KPNA1: variants seen among roughly 807,000 people sequenced by gnomAD.
KPNA1 encodes the protein importin subunit alpha-5.
KPNA1 carries 10 observed loss-of-function variants against 70.5 expected under a neutral mutation model. The ratio of observed to expected loss-of-function variants is 0.14; its 90% confidence interval spans 0.09 to 0.24. The LOEUF is 0.24. Ranked by LOEUF, KPNA1 falls within the 10% of genes least tolerant of loss-of-function variation. The probability of loss-of-function intolerance (pLI) is 1.00; values close to 1 mark genes in which losing one functional copy is unlikely to be tolerated. For missense variants in KPNA1, 397 were observed against 637.9 expected (o/e 0.62, Z 4.07); for synonymous variants, 192 against 221.9 (o/e 0.87, Z 1.20).
Position 122,437,232 on chromosome 3 carries a change from T to C in KPNA1, c.1060A>G (p.Ile354Val). 2 of 1,613,934 alleles carry C rather than the reference T, an allele frequency of 1.2e-6. No homozygotes were observed. The highest frequency in any genetic ancestry group is 8.5e-7 in the Non-Finnish European group (1 of 1,179,806). Reference protein sequence around the residue: ...LHLLSSPKESIKKEACWTISN... With the variant: ...LHLLSSPKESVKKEACWTISN... ...ATCGTCCAACATGCTTCCTTTTTGATAGATTCCTTTGGGCTACTCAGCAAA... is the reference window on the plus strand; with the variant it reads ...ATCGTCCAACATGCTTCCTTTTTGACAGATTCCTTTGGGCTACTCAGCAAA... The change falls in exon 11 of 14, where the codon ATC becomes GTC. Residue 354 changes from isoleucine (I) to valine (V), a missense_variant. Physicochemically the swap from Ile to Val is conservative, Grantham distance 29. Transcript: ENST00000344337.
chr3:122,436,706 A>G (rs1367772834), intron 11 of KPNA1, among the ~76,000 whole-genome samples: 1 of 152,244 alleles, frequency 6.6e-6, no homozygotes, highest in Non-Finnish European at 1.5e-5. Flanking sequence ...AAGCTAGGAT[A>G]AAGTAAAAAG....
At position 122,514,865 on chromosome 3, in the gene KPNA1, C is replaced by CGGTGCTCACCAGGCCTCGCT; in HGVS notation, c.-134_-115dup. The CGGTGCTCACCAGGCCTCGCT allele has an allele frequency of 6.6e-6, 1 of 152,500 alleles. No individual in the cohort carries two copies. The highest frequency in any genetic ancestry group is 2.4e-5 in the African/African-American group (1 of 41,596). The allele number at this position is 152,500 out of a possible 1,614,324, so 9.4% of individuals were successfully genotyped here. A position where few individuals can be genotyped will look rare whatever the true frequency, so the allele number is the denominator to read the frequency against. ...CTCGAAGAGCTGGCCCGCGCCTCGG[C>CGGTGCTCACCAGGCCTCGCT]GGTGCTCACCAGGCCTCGCTCTCCG... On this transcript the variant is annotated 5_prime_UTR_variant, in exon 1 of 14. Coordinates refer to ENST00000344337, the MANE Select transcript of KPNA1 (RefSeq NM_002264.4).
chr3:122,486,126 T>TA (rs1283636486), intron 2 of KPNA1, among the ~76,000 whole-genome samples: 1 of 152,192 alleles, frequency 6.6e-6, no homozygotes, highest in African/African-American at 2.4e-5. Context: ...TCTAGACACT[T>TA]ACCTGAGGGA....
chr3:122,458,092 A>G (rs1043307901), intron 5 of KPNA1, among the ~76,000 whole-genome samples: 2 of 152,236 alleles, frequency 1.3e-5, no homozygotes, highest in Admixed American at 6.5e-5. Context: ...CAACTTTTCA[A>G]GGATTATCTG....
rs948695050 is a variant in KPNA1, at chr3:122,426,709, C to T, written c.*276G>A. On this transcript the variant is annotated 3_prime_UTR_variant, in exon 14 of 14. Transcript: ENST00000344337. ...CATTAATATGTGTATATTCCCATAA[C>T]TCTAATGTAAGTGCGGATCTCCAAA... The T allele has an allele frequency of 6.0e-6, 2 of 330,766 alleles. No individual in the cohort carries two copies. Among genetic ancestry groups the T allele is most frequent in the Non-Finnish European group, 1.1e-5 (2 of 181,702 alleles). The allele number at this position is 330,766 out of a possible 1,614,324, so 20.5% of individuals were successfully genotyped here.
rs868264189 is a variant in KPNA1 at position 122,461,236 on chromosome 3, A to G, written c.420T>C (p.Asn140=). Residue 140 remains asparagine (N), a synonymous_variant, in exon 5 of 14, where the codon AAT becomes AAC. Transcript: ENST00000344337. ...AAATTATTCGCACCTGCAGTGTACA[A>G]TTCTCTTTTCGTTTGAGGAACTCCA... ...RFVEFLKRKE[N]CTLQFESAWV... is the part of the protein sequence containing the mutation. The G allele has an allele frequency of 3.7e-6, 6 of 1,610,706 alleles. No individual in the cohort carries two copies. The highest frequency in any genetic ancestry group is 1.7e-4 in the Middle Eastern group (1 of 6,050).
At chr3:122,508,765 A>C (rs949773153) in intron 1 of KPNA1, among the ~76,000 whole-genome samples, 2 of 152,200 alleles carry the variant, frequency 1.3e-5, no homozygotes, top group Admixed American at 1.3e-4. Context: ...AGCCACACTT[A>C]ATAGAGCTTC....
chr3:122,479,047 A>G (rs777063200), intron 2 of KPNA1, among the ~76,000 whole-genome samples: 1 of 152,148 alleles, frequency 6.6e-6, no homozygotes, highest in Non-Finnish European at 1.5e-5. Context: ...CTTCGTTAAA[A>G]TTAAAACATT....
At chr3:122,471,366 T>C (rs2076440224) in intron 2 of KPNA1, among the ~76,000 whole-genome samples, 1 of 152,220 alleles carries the variant, frequency 6.6e-6, no homozygotes, top group African/African-American at 2.4e-5. Context: ...CAGTTAATAT[T>C]CAGTTCAATA....
intron 9 of KPNA1, among the ~76,000 whole-genome samples, chr3:122,448,074 G>A (rs761507175): frequency 2.8e-4 from 43 of 152,106 alleles, no homozygotes; most frequent in South Asian, 6.2e-4. Context: ...ACTATCTCAC[G>A]TCATCATTAA....
intron 11 of KPNA1, among the ~76,000 whole-genome samples, chr3:122,436,321 G>A (rs1339530453): frequency 1.3e-5 from 2 of 152,036 alleles, no homozygotes; most frequent in East Asian, 3.9e-4. Context: ...TTCGCCCCGT[G>A]CTCTGCCATT....
chr3:122,466,488 C>T (rs1460286370), intron 3 of KPNA1, among the ~76,000 whole-genome samples: 1 of 151,558 alleles, frequency 6.6e-6, no homozygotes, highest in Non-Finnish European at 1.5e-5. Flanking sequence ...TATATGTACA[C>T]ATATATAACC....
intron 8 of KPNA1, 120 bp downstream of exon 8, chr3:122,451,414 A>C (rs1576299048): frequency 1.6e-6 from 1 of 607,630 alleles, no homozygotes; most frequent in African/African-American, 1.9e-5. Flanking sequence ...CTCCAAAAAC[A>C]GATAAAATTC....
At chr3:122,487,284 C>T (rs1002728974) in intron 2 of KPNA1, among the ~76,000 whole-genome samples, 11 of 152,146 alleles carry the variant, frequency 7.2e-5, no homozygotes, top group Non-Finnish European at 1.2e-4. Flanking sequence ...CATCACTTAT[C>T]ATTAGACAAA....
chr3:122,478,240 C>T (rs1352620528), intron 2 of KPNA1, among the ~76,000 whole-genome samples: 1 of 151,338 alleles, frequency 6.6e-6, no homozygotes, highest in Non-Finnish European at 1.5e-5. Context: ...CAACTGGGCA[C>T]ACACAGGCAA....
chr3:122,511,209 C>T (rs932137888), intron 1 of KPNA1, among the ~76,000 whole-genome samples: 4 of 151,966 alleles, frequency 2.6e-5, no homozygotes, highest in African/African-American at 9.7e-5. Flanking sequence ...CCCCAAGCTG[C>T]CTATTCTGAC....
At chr3:122,436,091 A>G (rs1020635019) in intron 11 of KPNA1, among the ~76,000 whole-genome samples, 3 of 152,108 alleles carry the variant, frequency 2.0e-5, no homozygotes, top group African/African-American at 7.2e-5. Context: ...TCCTAGGGGG[A>G]GGTCTCTAAA....
rs763572931 is a variant in KPNA1, at chr3:122,422,593, G to C, written c.*4392C>G. The C allele has an allele frequency of 6.6e-6, 1 of 152,198 alleles. No individual in the cohort carries two copies. Among genetic ancestry groups the C allele is most frequent in the Non-Finnish European group, 1.5e-5 (1 of 68,048 alleles). 9.4% of individuals were successfully genotyped at this position (152,198 alleles called of 1,614,324 possible). ...TCTAGTTCTGGGAGATCCTGGGCACGGAACTACTGCGTGGCCACTGCTTTC... is the reference window on the plus strand; with the variant it reads ...TCTAGTTCTGGGAGATCCTGGGCACCGAACTACTGCGTGGCCACTGCTTTC... On this transcript the variant is annotated 3_prime_UTR_variant, in exon 14 of 14. Coordinates refer to ENST00000344337, the MANE Select transcript of KPNA1 (RefSeq NM_002264.4).
chr3:122,427,818 A>G, intron 12 of KPNA1, 102 bp from the exon 13 acceptor site: 1 of 700,972 alleles, frequency 1.4e-6, no homozygotes, highest in Non-Finnish European at 2.1e-6. Context: ...AGACTTAAAA[A>G]AAAAAACAAA....
Sources: allele counts gnomAD v4.1 joint callset (sites outside exome capture counted in the v4.1 genomes callset), GRCh38; gene constraint gnomAD v4.1.1; transcripts MANE v1.5; gene names NCBI Gene and HGNC (gene_info 2026-07-23, HGNC 2026-07-21).